The following ZDHHC11 variants were observed in gnomAD, a reference collection of about 807,000 sequenced individuals.
ZDHHC11 encodes the protein zDHHC palmitoyltransferase 11, also known as palmitoyltransferase ZDHHC11.
In ZDHHC11, 44 loss-of-function variants were observed where a neutral mutation model predicts 51.3. That is an observed-to-expected ratio of 0.86 (90% CI 0.67 to 1.10). The LOEUF is 1.10. ZDHHC11 is among the 50% of genes least tolerant of loss of function. The probability of loss-of-function intolerance (pLI) is 0.00; values close to 1 mark genes in which losing one functional copy is unlikely to be tolerated. For missense variants in ZDHHC11, 400 were observed against 537.7 expected (o/e 0.74, Z 2.53); for synonymous variants, 163 against 222.0 (o/e 0.73, Z 2.36).
intron 11 of ZDHHC11, among the ~76,000 whole-genome samples, chr5:801,834 C>T (rs770469469): frequency 3.3e-5 from 5 of 151,306 alleles, no homozygotes; most frequent in Admixed American, 1.3e-4. Context: ...AAAATAGTCA[C>T]TAGGAGACTT....
In ZDHHC11 at chr5:804,747, A is replaced by G. The variant is rs1368198403; in HGVS notation, c.1182-3583T>C. On this transcript the variant is annotated intron_variant, in intron 11 of 12. Transcript: ENST00000283441. Reference sequence around the variant, plus strand: ...AAAATACCTGTCAACCAAGAATTCTATATGTGACAAATCTATCCTTCCAGA... The same window carrying G: ...AAAATACCTGTCAACCAAGAATTCTGTATGTGACAAATCTATCCTTCCAGA... Among the ~76,000 whole-genome samples the G allele has an allele frequency of 9.2e-5, 14 of 151,506 alleles. 1 individual carries two copies. Among genetic ancestry groups the G allele is most frequent in the South Asian group, 8.3e-4 (4 of 4,806 alleles).
At position 850,368 on chromosome 5, in the gene ZDHHC11, A is replaced by T. The variant is rs759626093; in HGVS notation, c.222+13T>A. 5.1e-5 allele frequency: 82 copies of T among 1,613,118 alleles called. 2 individuals are homozygous for T. Among genetic ancestry groups the T allele is most frequent in the South Asian group, 2.7e-4 (25 of 91,032 alleles). On this transcript the variant is annotated intron_variant, in intron 1 of 12. Coordinates refer to ENST00000283441, the MANE Select transcript of ZDHHC11 (RefSeq NM_024786.3). ...CCCCTCCCGCTTAGACCATGCCACG[A>T]TGAAAAGGATACCACGTAGGCAATG...
intron 11 of ZDHHC11, among the ~76,000 whole-genome samples, chr5:808,660 C>T (rs534691533): frequency 2.0e-5 from 3 of 148,988 alleles, no homozygotes; most frequent in African/African-American, 4.9e-5. Flanking sequence ...CTCAGCCTCC[C>T]GAGGAATGGG....
At chr5:827,626 A>C (rs1321157153) in intron 7 of ZDHHC11, among the ~76,000 whole-genome samples, 1 of 151,480 alleles carries the variant, frequency 6.6e-6, no homozygotes, top group Non-Finnish European at 1.5e-5. Context: ...ACAGTTAAGA[A>C]AGACAAAGAG....
In ZDHHC11 at chr5:823,248, C is replaced by T. The variant is rs1251489459; in HGVS notation, c.1024-1353G>A. 2 of 150,648 alleles carry T rather than the reference C, an allele frequency of 1.3e-5. 1 individual carries two copies. The highest frequency in any genetic ancestry group is 3.0e-5 in the Non-Finnish European group (2 of 67,486). 9.3% of individuals were successfully genotyped at this position (150,648 alleles called of 1,614,324 possible). A position where few individuals can be genotyped will look rare whatever the true frequency, so the allele number is the denominator to read the frequency against. Reference sequence around the variant, plus strand: ...ATTTTTGTAGGAATGTTAAAGTTTCCCCCTCTTACTATGAGGTCTCTGATG... The same window carrying T: ...ATTTTTGTAGGAATGTTAAAGTTTCTCCCTCTTACTATGAGGTCTCTGATG... On this transcript the variant is annotated intron_variant, in intron 8 of 12. Coordinates refer to ENST00000283441, the MANE Select transcript of ZDHHC11 (RefSeq NM_024786.3).
At chr5:829,812 C>T (rs1464316080) in intron 7 of ZDHHC11, among the ~76,000 whole-genome samples, 1 of 151,392 alleles carries the variant, frequency 6.6e-6, no homozygotes, top group Non-Finnish European at 1.5e-5. Flanking sequence ...GGGTTTCATA[C>T]CACGTATGCA....
intron 1 of ZDHHC11, 65 bp from the exon 2 acceptor site, chr5:848,725 G>A (rs1489067289): frequency 1.3e-6 from 2 of 1,589,394 alleles, no homozygotes; most frequent in Non-Finnish European, 1.7e-6. Flanking sequence ...TCCCCGTGAG[G>A]CCCAAGGGCC....
At chr5:851,160 TTC>T (rs1358881649), upstream of ZDHHC11, among the ~76,000 whole-genome samples, 1 of 152,184 alleles carries the variant, frequency 6.6e-6, no homozygotes, top group Admixed American at 6.5e-5. Context: ...CCTGAGAGGC[TTC>T]TCTGAGCTTC....
At position 840,653 on chromosome 5, in the gene ZDHHC11, G is replaced by T. The variant is rs1226082969; in HGVS notation, c.629-3C>A. 5.0e-6 allele frequency: 8 copies of T among 1,613,680 alleles called. No homozygotes were observed. In the East Asian group the frequency reaches 1.8e-4, roughly 36 times the overall value. On this transcript the variant is annotated splice_polypyrimidine_tract_variant and splice_region_variant and intron_variant, in intron 4 of 12. Transcript: ENST00000283441. ...CCACGTGTTCATATTCTTGACATCT[G>T]GGGAGACAAGGGAGAGCCACTGTGT... is the stretch of plus-strand genomic sequence containing the variant.
Position 829,947 on chromosome 5 carries a change from A to C in ZDHHC11, c.935+3826T>G, listed in dbSNP as rs889567839. On this transcript the variant is annotated intron_variant, in intron 7 of 12. Transcript: ENST00000283441. ...TGACAAACTCTGCCATCCCTTTATA[A>C]ATAGAACACTCATCAAAATCAGCAC... Among the ~76,000 whole-genome samples the C allele has an allele frequency of 4.4e-4, 66 of 150,888 alleles. 1 individual carries two copies. Among genetic ancestry groups the C allele is most frequent in the Non-Finnish European group, 6.8e-4 (46 of 67,638 alleles).
chr5:798,859 T>C (rs568328363), intron 12 of ZDHHC11, among the ~76,000 whole-genome samples: 240 of 152,092 alleles, frequency 1.6e-3, no homozygotes, highest in African/African-American at 5.4e-3. Flanking sequence ...TTTGAAATGA[T>C]TTAGACTCAT....
intron 6 of ZDHHC11, among the ~76,000 whole-genome samples, chr5:836,875 G>C (rs1743930635): frequency 6.7e-6 from 1 of 149,852 alleles, no homozygotes; most frequent in East Asian, 1.9e-4. Flanking sequence ...AGCCTGGCGT[G>C]TTAAAACCAC....
chr5:840,793 C>A (rs1385549063), intron 4 of ZDHHC11, 143 bp from the exon 5 acceptor site: 4 of 1,524,306 alleles, frequency 2.6e-6, no homozygotes, highest in Non-Finnish European at 3.5e-6. Context: ...CAGGTGGACG[C>A]CTCCCTTACC....
At chr5:834,440 C>G (rs1281519153) in intron 6 of ZDHHC11, among the ~76,000 whole-genome samples, 2 of 152,274 alleles carry the variant, frequency 1.3e-5, no homozygotes, top group African/African-American at 4.8e-5. Context: ...TCCCAAAGCA[C>G]TGAGATTATA....
chr5:798,681 G>A lies in ZDHHC11; in HGVS notation c.*8-2101C>T, dbSNP rs1372910583. ...TGACTCCTACACCACAGGCACTTTG[G>A]AGGGGTAAGGTGTAATACTGAAGAA... On this transcript the variant is annotated intron_variant, in intron 12 of 12. Coordinates refer to ENST00000283441, the MANE Select transcript of ZDHHC11 (RefSeq NM_024786.3). 6.7e-5 allele frequency among the ~76,000 whole-genome samples: 10 copies of A among 149,270 alleles called. No individual in the cohort carries two copies. In the East Asian group the frequency reaches 1.8e-3, roughly 27 times the overall value.
intron 12 of ZDHHC11, among the ~76,000 whole-genome samples, chr5:798,978 A>G (rs1433517069): frequency 2.6e-5 from 4 of 152,032 alleles, no homozygotes; most frequent in Admixed American, 2.0e-4. Flanking sequence ...GGGCTTCTAT[A>G]AAACACACTG....
At chr5:841,895 TG>T in intron 4 of ZDHHC11, 1 of 989,692 alleles carries the variant, frequency 1.0e-6, no homozygotes, top group Non-Finnish European at 1.2e-6. Flanking sequence ...AGACCCTCTC[TG>T]GAACTGGTGG....
In ZDHHC11 at chr5:840,505, G is replaced by A. The variant is rs763665459; in HGVS notation, c.774C>T (p.His258=). Residue 258 remains histidine (H), a synonymous_variant, in exon 5 of 13, where the codon CAC becomes CAT. Transcript: ENST00000283441. ...GGGTGGGGGACATACTCAGGTAGAT[G>A]TGGAAGATGAGCAGCTGGCCCAGGT... The part of the protein sequence containing the change: ...LVHLGQLLIF[H]IYLKAKKMTT... 20 of 1,613,710 alleles carry A rather than the reference G, an allele frequency of 1.2e-5. No homozygotes were observed. The highest frequency in any genetic ancestry group is 1.7e-5 in the Admixed American group (1 of 60,026).
At chr5:852,055 CAAA>C (rs111722785), upstream of ZDHHC11, among the ~76,000 whole-genome samples, 2 of 106,902 alleles carry the variant, frequency 1.9e-5, no homozygotes, top group East Asian at 2.5e-4. Flanking sequence ...GACTCCATCT[CAAA>C]AAAAAAAAAA....
Sources: allele counts gnomAD v4.1 joint callset (sites outside exome capture counted in the v4.1 genomes callset), GRCh38; gene constraint gnomAD v4.1.1; transcripts MANE v1.5; gene names NCBI Gene and HGNC (gene_info 2026-07-23, HGNC 2026-07-21).